Variants in PDE11A observed in about 807,000 individuals in gnomAD.
PDE11A encodes the protein phosphodiesterase 11A.
In PDE11A, 100 loss-of-function variants were observed where a neutral mutation model predicts 100.5. The observed-to-expected ratio is 1.00, with a 90% CI of 0.85 to 1.18. The LOEUF (loss-of-function observed/expected upper bound fraction) is 1.18, where lower values mean the gene tolerates loss of function less well. Ranked by LOEUF, PDE11A falls within the 50% of genes most tolerant of loss-of-function variation. PDE11A has a pLI of 0.00. For missense variants in PDE11A, 1,141 were observed against 1,152.6 expected, an observed-to-expected ratio of 0.99 and a Z score of 0.15; for synonymous variants, 381 against 420.8, an observed-to-expected ratio of 0.91 and a Z score of 1.16.
intron 2 of PDE11A, among the ~76,000 whole-genome samples, chr2:177,916,729 T>A (rs939302248): frequency 2.0e-5 from 3 of 149,276 alleles, no homozygotes; most frequent in Non-Finnish European, 4.5e-5. Flanking sequence ...TTGAAGGTTC[T>A]TTTTATTTTA....
Position 177,811,422 on chromosome 2 carries a change from G to C in PDE11A, c.1737+5407C>G, listed in dbSNP as rs1462059364. 3.3e-5 allele frequency among the ~76,000 whole-genome samples: 5 copies of C among 151,300 alleles called. No individual in the cohort carries two copies. In the South Asian group the frequency reaches 1.0e-3, roughly 32 times the overall value. On this transcript the variant is annotated intron_variant, in intron 9 of 19. Coordinates refer to ENST00000286063, the MANE Select transcript of PDE11A (RefSeq NM_016953.4). ...TTTAGGACAAAGGATTTTAACAATA[G>C]AATTGTATAATTAAATTACAAGAAA...
At chr2:178,008,352 G>A (rs1436913867) in intron 2 of PDE11A, among the ~76,000 whole-genome samples, 1 of 152,164 alleles carries the variant, frequency 6.6e-6, no homozygotes. Context: ...TTAGTTGTTT[G>A]AGGGTTGGCT....
chr2:177,979,598 A>G (rs2085854646), intron 2 of PDE11A, among the ~76,000 whole-genome samples: 1 of 136,654 alleles, frequency 7.3e-6, no homozygotes, highest in African/African-American at 2.8e-5. Context: ...GTGAATGGAT[A>G]TCCTCAGATG....
At chr2:178,084,952 A>G (rs2087330630) in intron 2 of PDE11A, among the ~76,000 whole-genome samples, 1 of 152,194 alleles carries the variant, frequency 6.6e-6, no homozygotes, top group South Asian at 2.1e-4. Flanking sequence ...AGCTTCATGA[A>G]ACATCAGGAG....
upstream of PDE11A, among the ~76,000 whole-genome samples, chr2:178,075,725 C>T (rs779619742): frequency 1.6e-4 from 24 of 151,886 alleles, no homozygotes; most frequent in Admixed American, 3.3e-4. Context: ...CCTCACTGGG[C>T]AAAGAGTAGG....
chr2:177,847,788 T>C (rs2083625939), intron 5 of PDE11A, among the ~76,000 whole-genome samples: 1 of 152,206 alleles, frequency 6.6e-6, no homozygotes. Flanking sequence ...CCATATTGCT[T>C]GTGCCCACGT....
At chr2:177,790,149 C>T (rs372267960) in intron 9 of PDE11A, among the ~76,000 whole-genome samples, 1 of 150,490 alleles carries the variant, frequency 6.6e-6, no homozygotes, top group African/African-American at 2.5e-5. Context: ...TACTACAAGG[C>T]TACAGTAACC....
In PDE11A at chr2:177,856,136, ATC is replaced by A. The variant is rs561643473; in HGVS notation, c.1368-15755_1368-15754del. 2.1e-3 allele frequency among the ~76,000 whole-genome samples: 327 copies of A among 152,190 alleles called. 2 individuals carry two copies. The highest frequency in any genetic ancestry group is 7.5e-3 in the African/African-American group (310 of 41,538). On this transcript the variant is annotated intron_variant, in intron 5 of 19. Transcript: ENST00000286063. Reference sequence around the variant, plus strand: ...CTTATTGGTTCAGGCTTTTAAGGAAATCTCTGTCCCATTAGCTGACAACCAAG... The same window carrying A: ...CTTATTGGTTCAGGCTTTTAAGGAAATCTGTCCCATTAGCTGACAACCAAG...
intron 9 of PDE11A, among the ~76,000 whole-genome samples, chr2:177,793,903 G>T (rs1477120806): frequency 6.6e-6 from 1 of 152,166 alleles, no homozygotes; most frequent in East Asian, 1.9e-4. Flanking sequence ...GGCAGGAATG[G>T]GCACCAGTAT....
chr2:177,952,695 T>G (rs1036054047), intron 2 of PDE11A, among the ~76,000 whole-genome samples: 2 of 152,206 alleles, frequency 1.3e-5, no homozygotes, highest in African/African-American at 4.8e-5. Context: ...CTGTTACTTG[T>G]AACTGAACAG....
chr2:177,700,684 A>G (rs973191015), intron 14 of PDE11A, among the ~76,000 whole-genome samples: 10 of 152,140 alleles, frequency 6.6e-5, no homozygotes, highest in Admixed American at 2.0e-4. Flanking sequence ...TAGTTTCTCA[A>G]TTGTGCTAAT....
intron 19 of PDE11A, among the ~76,000 whole-genome samples, chr2:177,631,304 A>AAC (rs1553528944): frequency 3.9e-5 from 5 of 128,072 alleles, no homozygotes; most frequent in Non-Finnish European, 7.6e-5. Flanking sequence ...AAAAAAAAAA[A>AAC]AAAAAACAAA....
chr2:177,682,157 A>G (rs1302527458), intron 15 of PDE11A, among the ~76,000 whole-genome samples: 2 of 152,178 alleles, frequency 1.3e-5, no homozygotes, highest in African/African-American at 4.8e-5. Flanking sequence ...ACTCCCTTCT[A>G]TTGATTCCAG....
intron 4 of PDE11A, among the ~76,000 whole-genome samples, chr2:177,895,704 T>C (rs1414351972): frequency 1.3e-5 from 2 of 152,156 alleles, no homozygotes; most frequent in African/African-American, 4.8e-5. Context: ...ATTTAAAAAG[T>C]TGAACTCATA....
chr2:178,107,881 C>A (rs1180312544), intron 1 of PDE11A, among the ~76,000 whole-genome samples: 2 of 151,994 alleles, frequency 1.3e-5, no homozygotes, highest in East Asian at 3.9e-4. Context: ...ACCACTATGC[C>A]TGGATAATTT....
chr2:177,643,309 T>C (rs1317631040), intron 19 of PDE11A, among the ~76,000 whole-genome samples: 2 of 152,186 alleles, frequency 1.3e-5, no homozygotes, highest in Admixed American at 6.5e-5. Context: ...CTGATAATGA[T>C]ATGGACAATG....
At chr2:177,889,824 A>C (rs2084501464) in intron 4 of PDE11A, among the ~76,000 whole-genome samples, 1 of 150,576 alleles carries the variant, frequency 6.6e-6, no homozygotes, top group Admixed American at 6.6e-5. Context: ...TTCCTGAGAG[A>C]TCTTATTATT....
chr2:177,750,575 C>T (rs897937633), intron 10 of PDE11A, among the ~76,000 whole-genome samples: 11 of 152,204 alleles, frequency 7.2e-5, no homozygotes, highest in African/African-American at 2.4e-4. Context: ...AAGTCCAAGG[C>T]AAGCATGTGC....
Position 177,626,715 on chromosome 2 carries a change from A to C in PDE11A, c.*2692T>G, listed in dbSNP as rs963748573. On this transcript the variant is annotated 3_prime_UTR_variant, in exon 20 of 20. Coordinates refer to ENST00000286063, the MANE Select transcript of PDE11A (RefSeq NM_016953.4). Reference sequence around the variant, plus strand: ...CTCTACTTTCTCCAGTCTTCCCTGCAGAGACAGCTGTAAAGGGTAGCTAGG... The same window carrying C: ...CTCTACTTTCTCCAGTCTTCCCTGCCGAGACAGCTGTAAAGGGTAGCTAGG... 17 of 152,498 alleles carry C rather than the reference A, an allele frequency of 1.1e-4. No individual in the cohort carries two copies. Among genetic ancestry groups the C allele is most frequent in the African/African-American group, 3.6e-4 (15 of 41,430 alleles). 9.4% of individuals were successfully genotyped at this position (152,498 alleles called of 1,614,324 possible).
Sources: gnomAD v4.1 joint callset for allele counts (sites outside exome capture counted in the v4.1 genomes callset) on GRCh38, gnomAD v4.1.1 for gene constraint, MANE v1.5 for transcripts, NCBI Gene and HGNC (gene_info 2026-07-23, HGNC 2026-07-21) for gene names.